The following CNTFR variants were observed in gnomAD, a reference collection of about 807,000 sequenced individuals.
The protein encoded by CNTFR is ciliary neurotrophic factor receptor, also known as ciliary neurotrophic factor receptor subunit alpha.
In CNTFR, 12 loss-of-function variants were observed where a neutral mutation model predicts 40.4. The ratio of observed to expected loss-of-function variants is 0.30; its 90% CI spans 0.19 to 0.48. The LOEUF (loss-of-function observed/expected upper bound fraction) is 0.48, where lower values mean the gene tolerates loss of function less well. Ranked by LOEUF, CNTFR falls within the 20% of genes least tolerant of loss-of-function variation. The probability of loss-of-function intolerance (pLI) is 0.99; values close to 1 mark genes in which losing one functional copy is unlikely to be tolerated. For synonymous variants in CNTFR, 202 were observed against 209.6 expected, an observed-to-expected ratio of 0.96 and a Z score of 0.31; for missense variants, 414 against 506.8, an observed-to-expected ratio of 0.82 and a Z score of 1.76.
At chr9:34,575,459 C>T (rs778063101) in intron 2 of CNTFR, among the ~76,000 whole-genome samples, 12 of 151,910 alleles carry the variant, frequency 7.9e-5, no homozygotes, top group Non-Finnish European at 1.5e-4. Context: ...AGGCCCGAAG[C>T]GGACGCCGGG....
chr9:34,557,585 C>A lies in CNTFR; in HGVS notation c.545G>T (p.Ser182Ile). 1 of 1,614,192 alleles carries A rather than the reference C, an allele frequency of 6.2e-7. No individual in the cohort carries two copies. The stretch of plus-strand genomic sequence containing the variant: ...ATTGTGGCCCAGGGCATTGCTGACA[C>A]TTATGGAGACCTTGTACTTGATGGT... ...FSTIKYKVSI[S>I]VSNALGHNAT... is the part of the protein sequence containing the mutation. Residue 182 changes from serine to isoleucine, a missense_variant, in exon 6 of 10, where the codon AGT becomes ATT. By Grantham distance (142) the Ser-to-Ile change is moderately radical (BLOSUM62 -2). Transcript: ENST00000378980. The surrounding 1 kb of genome is among the most constrained non-coding windows in gnomAD (Gnocchi z 4.2).
Position 34,555,973 on chromosome 9 carries a change from T to G in CNTFR, c.768+282A>C, listed in dbSNP as rs565886701. On this transcript the variant is annotated intron_variant, in intron 7 of 9. Transcript: ENST00000378980. Reference sequence around the variant, plus strand: ...CCCACCATCTCCCTCCCCCGCCATCTCCCTCCCTCACCATCTCCCTCCCTG... The same window carrying G: ...CCCACCATCTCCCTCCCCCGCCATCGCCCTCCCTCACCATCTCCCTCCCTG... Among the ~76,000 whole-genome samples, 342 of 115,172 alleles carry G rather than the reference T, an allele frequency of 3.0e-3. 2 individuals carry two copies. Among genetic ancestry groups the G allele is most frequent in the African/African-American group, 0.011 (319 of 29,730 alleles). 75.6% of individuals were successfully genotyped at this position (115,172 alleles called of 152,430 possible).
At chr9:34,555,010 C>G (rs939687220) in intron 7 of CNTFR, among the ~76,000 whole-genome samples, 3 of 152,242 alleles carry the variant, frequency 2.0e-5, no homozygotes, top group African/African-American at 7.2e-5. Context: ...GTTGCACACA[C>G]GTATGGTGTA....
chr9:34,582,352 C>T (rs1010741176), intron 1 of CNTFR: 1 of 150,594 alleles, frequency 6.6e-6, no homozygotes, highest in Non-Finnish European at 1.5e-5. Flanking sequence ...AACTGAGGCT[C>T]AGAGAGCAGA....
At chr9:34,561,333 A>G (rs970908321) in intron 4 of CNTFR, among the ~76,000 whole-genome samples, 2 of 152,220 alleles carry the variant, frequency 1.3e-5, no homozygotes, top group African/African-American at 4.8e-5. Context: ...AAAAGTTTTA[A>G]AAAACTGGAG....
chr9:34,584,930 C>T (rs1405653772), intron 1 of CNTFR, among the ~76,000 whole-genome samples: 5 of 152,156 alleles, frequency 3.3e-5, no homozygotes, highest in African/African-American at 1.2e-4. Flanking sequence ...AACCAGTCTT[C>T]CTTTGAGCCA....
chr9:34,555,948 C>CCCG (rs1435191393), intron 7 of CNTFR, among the ~76,000 whole-genome samples: 11 of 137,024 alleles, frequency 8.0e-5, no homozygotes, highest in Admixed American at 1.4e-4. Flanking sequence ...ATCTCCCTCC[C>CCCG]CCACCATCTC....
chr9:34,580,076 G>C (rs941029478), intron 2 of CNTFR: 1 of 152,092 alleles, frequency 6.6e-6, no homozygotes, highest in Non-Finnish European at 1.5e-5. Context: ...TTCTTTCCCC[G>C]ACCACTATCC....
chr9:34,551,643 G>A lies in CNTFR; in HGVS notation c.*428C>T. ...CTGAAAATTGTGGGTGCTGGGGGGA[G>A]GGGGATGGCTGGGCCCCCCCAGCAT... On this transcript the variant is annotated 3_prime_UTR_variant, in exon 10 of 10. Transcript: ENST00000378980. 1 of 333,024 alleles carries A rather than the reference G, an allele frequency of 3.0e-6. No individual in the cohort carries two copies. The highest frequency in any genetic ancestry group is 5.7e-6 in the Non-Finnish European group (1 of 176,332). 20.6% of individuals were successfully genotyped at this position (333,024 alleles called of 1,614,324 possible).
At chr9:34,560,403 G>A (rs1826021826) in intron 4 of CNTFR, among the ~76,000 whole-genome samples, 1 of 152,184 alleles carries the variant, frequency 6.6e-6, no homozygotes, top group Non-Finnish European at 1.5e-5. Flanking sequence ...CGTGACTCAG[G>A]GTGAGGCTGT....
chr9:34,566,869 A>G (rs981643198), intron 3 of CNTFR, among the ~76,000 whole-genome samples: 3 of 152,214 alleles, frequency 2.0e-5, no homozygotes, highest in Admixed American at 2.0e-4. Flanking sequence ...CTGCACAAAA[A>G]AAGTAGAAAC....
intron 1 of CNTFR, among the ~76,000 whole-genome samples, chr9:34,583,285 G>C (rs1156575999): frequency 6.6e-6 from 1 of 152,212 alleles, no homozygotes; most frequent in Non-Finnish European, 1.5e-5. Context: ...GTCTTACTTA[G>C]GTCTCACTCA....
chr9:34,575,537 T>C (rs953978468), intron 2 of CNTFR, among the ~76,000 whole-genome samples: 93 of 151,868 alleles, frequency 6.1e-4, no homozygotes, highest in African/African-American at 2.1e-3. Flanking sequence ...CTTTCCAGAG[T>C]TGGAGATTAG....
At position 34,552,982 on chromosome 9, in the gene CNTFR, C is replaced by T. The variant is rs1825699915; in HGVS notation, c.769-128G>A. 1 of 812,660 alleles carries T rather than the reference C, an allele frequency of 1.2e-6. No individual in the cohort carries two copies. The highest frequency in any genetic ancestry group is 2.0e-6 in the Non-Finnish European group (1 of 509,152). 50.3% of individuals were successfully genotyped at this position (812,660 alleles called of 1,614,324 possible). A position where few individuals can be genotyped will look rare whatever the true frequency, so the allele number is the denominator to read the frequency against. ...GGGCTCTGGGGGCAGTGAGGACTTC[C>T]CTGAGGAGAAGGAGGACATGGAGAA... On this transcript the variant is annotated intron_variant, in intron 7 of 9. Coordinates refer to ENST00000378980, the MANE Select transcript of CNTFR (RefSeq NM_147164.3). The surrounding 1 kb of genome is among the most constrained non-coding windows in gnomAD (Gnocchi z 5.1).
intron 2 of CNTFR, among the ~76,000 whole-genome samples, chr9:34,580,369 G>A (rs1466677677): frequency 6.6e-6 from 1 of 151,962 alleles, no homozygotes; most frequent in Non-Finnish European, 1.5e-5. Context: ...TCCTCTCCTG[G>A]GCCCCAGCTC....
chr9:34,568,789 CA>C, intron 3 of CNTFR, 107 bp downstream of exon 3: 1 of 982,846 alleles, frequency 1.0e-6, no homozygotes, highest in Non-Finnish European at 1.6e-6. Context: ...TCATGTGTGA[CA>C]ATGCCAGTGT....
intron 4 of CNTFR, among the ~76,000 whole-genome samples, chr9:34,563,658 G>A (rs756052378): frequency 6.6e-6 from 1 of 152,102 alleles, no homozygotes; most frequent in Non-Finnish European, 1.5e-5. Flanking sequence ...TTTTCCTTCC[G>A]TTTTCTTCCT....
At chr9:34,585,936 G>A (rs574986782) in intron 1 of CNTFR, among the ~76,000 whole-genome samples, 1 of 152,206 alleles carries the variant, frequency 6.6e-6, no homozygotes, top group African/African-American at 2.4e-5. Flanking sequence ...ACTCGCCATG[G>A]GGGGGCAGAG....
chr9:34,560,716 G>A (rs955417827), intron 4 of CNTFR, among the ~76,000 whole-genome samples: 6 of 152,232 alleles, frequency 3.9e-5, no homozygotes, highest in African/African-American at 1.2e-4. Context: ...GGGCATACAC[G>A]GCATCTGGGT....
Sources: allele counts gnomAD v4.1 joint callset (sites outside exome capture counted in the v4.1 genomes callset), GRCh38; gene constraint gnomAD v4.1.1; non-coding constraint Gnocchi (gnomAD v3.1); transcripts MANE v1.5; gene names NCBI Gene and HGNC (gene_info 2026-07-23, HGNC 2026-07-21).